The following ZYG11B variants were observed in gnomAD, a reference collection of about 807,000 sequenced individuals.
The protein encoded by ZYG11B is zyg-11 family member B, cell cycle regulator, also known as protein zyg-11 homolog B.
ZYG11B carries 36 observed loss-of-function variants against 82.4 expected under a neutral mutation model. That is an observed-to-expected ratio of 0.44 (90% CI 0.33 to 0.58). The LOEUF is 0.58. ZYG11B is among the 20% of genes least tolerant of loss of function. The pLI, the probability that ZYG11B is intolerant of heterozygous loss-of-function variation, is 0.02. For missense variants in ZYG11B, 552 were observed against 895.6 expected, an observed-to-expected ratio of 0.62 and a Z score of 4.90; for synonymous variants, 303 against 312.8, an observed-to-expected ratio of 0.97 and a Z score of 0.33.
intron 12 of ZYG11B, among the ~76,000 whole-genome samples, chr1:52,814,279 C>G (rs529705439): frequency 6.6e-6 from 1 of 152,190 alleles, no homozygotes; most frequent in Non-Finnish European, 1.5e-5. Flanking sequence ...CCTGGGCCCC[C>G]CTAAGTGCTG....
At chr1:52,772,410 A>G in intron 3 of ZYG11B, 8 of 1,553,870 alleles carry the variant, frequency 5.1e-6, no homozygotes, top group Non-Finnish European at 7.1e-6. Context: ...ATCAGGAGCA[A>G]GTCCCTTAGA....
intron 1 of ZYG11B, among the ~76,000 whole-genome samples, chr1:52,736,322 C>G (rs1281042527): frequency 4.6e-5 from 7 of 152,092 alleles, no homozygotes; most frequent in Non-Finnish European, 1.0e-4. Context: ...CTCTGTCACC[C>G]AAGCTGAAGT....
At chr1:52,754,621 A>G (rs1460813987) in intron 1 of ZYG11B, among the ~76,000 whole-genome samples, 1 of 152,184 alleles carries the variant, frequency 6.6e-6, no homozygotes, top group African/African-American at 2.4e-5. Context: ...GGCTCAGGCA[A>G]TATTCCTGCC....
intron 10 of ZYG11B, among the ~76,000 whole-genome samples, chr1:52,806,455 C>T (rs1212137739): frequency 2.6e-5 from 4 of 152,160 alleles, no homozygotes; most frequent in Admixed American, 6.6e-5. Flanking sequence ...TATGTTTCTC[C>T]TTACAGTTCT....
In ZYG11B at chr1:52,793,868, T is replaced by TTTCTTTCCTTCC. The variant is rs1553261659; in HGVS notation, c.1335-2421_1335-2420insTTTCCTTCCTTC. On this transcript the variant is annotated intron_variant, in intron 6 of 13. Coordinates refer to ENST00000294353, the MANE Select transcript of ZYG11B (RefSeq NM_024646.3). The stretch of plus-strand genomic sequence containing the variant: ...TTTCTTTCTTTCTTCCTTTTCTTTC[T>TTTCTTTCCTTCC]TTCCTTCCTTCCTTCCTTCCTTCCT... 1.4e-3 allele frequency among the ~76,000 whole-genome samples: 129 copies of TTTCTTTCCTTCC among 95,484 alleles called. 2 individuals carry two copies. Among genetic ancestry groups the TTTCTTTCCTTCC allele is most frequent in the East Asian group, 5.1e-3 (12 of 2,350 alleles). The allele number at this position is 95,484 out of a possible 152,430, so 62.6% of individuals were successfully genotyped here. A position where few individuals can be genotyped will look rare whatever the true frequency, so the allele number is the denominator to read the frequency against.
chr1:52,766,160 G>A (rs984600606), intron 2 of ZYG11B, among the ~76,000 whole-genome samples: 52 of 136,912 alleles, frequency 3.8e-4, no homozygotes, highest in African/African-American at 1.3e-3. Context: ...TTGCTGTGTC[G>A]CCCAGGCTGG....
intron 1 of ZYG11B, among the ~76,000 whole-genome samples, chr1:52,754,788 G>A (rs1644557700): frequency 2.0e-5 from 3 of 151,968 alleles, no homozygotes; most frequent in South Asian, 2.1e-4. Flanking sequence ...TCTAAAGCCC[G>A]GACTTTTTAC....
chr1:52,741,298 C>CAAAAAAAAAAA (rs770092920), intron 1 of ZYG11B, among the ~76,000 whole-genome samples: 61 of 72,008 alleles, frequency 8.5e-4, no homozygotes, highest in Admixed American at 2.0e-3. Flanking sequence ...GACTTCGTCT[C>CAAAAAAAAAAA]AAAAAAAAAA....
chr1:52,775,950 T>C (rs905085769), intron 3 of ZYG11B, among the ~76,000 whole-genome samples: 5 of 151,518 alleles, frequency 3.3e-5, no homozygotes, highest in African/African-American at 1.2e-4. Flanking sequence ...ATGCAGTGGC[T>C]CACGCCTGTA....
At chr1:52,813,054 C>G (rs776105971) in intron 10 of ZYG11B, among the ~76,000 whole-genome samples, 1 of 152,140 alleles carries the variant, frequency 6.6e-6, no homozygotes, top group Non-Finnish European at 1.5e-5. Flanking sequence ...ATAATTTAGC[C>G]CTACTACTAT....
chr1:52,807,954 A>G (rs1645154209), intron 10 of ZYG11B, among the ~76,000 whole-genome samples: 1 of 152,226 alleles, frequency 6.6e-6, no homozygotes. Flanking sequence ...ACATTGCTTT[A>G]AAGATACTGA....
At chr1:52,736,389 C>T (rs1360748142) in intron 1 of ZYG11B, among the ~76,000 whole-genome samples, 1 of 152,158 alleles carries the variant, frequency 6.6e-6, no homozygotes, top group African/African-American at 2.4e-5. Flanking sequence ...AAGTGATTCT[C>T]CCACCTCAGC....
chr1:52,737,847 ATGT>A (rs1644390759), intron 1 of ZYG11B, among the ~76,000 whole-genome samples: 3 of 152,248 alleles, frequency 2.0e-5, no homozygotes, highest in Admixed American at 1.3e-4. Flanking sequence ...GTTAACTGAG[ATGT>A]TGTGATAGAT....
intron 1 of ZYG11B, among the ~76,000 whole-genome samples, chr1:52,743,190 C>T (rs551536564): frequency 1.3e-5 from 2 of 151,800 alleles, no homozygotes; most frequent in African/African-American, 4.8e-5. Flanking sequence ...ACGTAGGAGA[C>T]TCCATTTGGT....
intron 6 of ZYG11B, among the ~76,000 whole-genome samples, chr1:52,794,594 G>A (rs1644992398): frequency 6.6e-6 from 1 of 152,188 alleles, no homozygotes; most frequent in South Asian, 2.1e-4. Context: ...TCAAGTGAGT[G>A]TGCAGATGAC....
intron 3 of ZYG11B, among the ~76,000 whole-genome samples, chr1:52,774,619 T>TTTTC (rs1284434415): frequency 0.058 from 4,392 of 76,104 alleles, 286 homozygotes; most frequent in African/African-American, 0.13. Flanking sequence ...ATTTTTTTTT[T>TTTTC]TTTTTTTTTT....
At chr1:52,787,500 C>T (rs1238946413) in intron 5 of ZYG11B, among the ~76,000 whole-genome samples, 1 of 152,132 alleles carries the variant, frequency 6.6e-6, no homozygotes, top group Non-Finnish European at 1.5e-5. Context: ...GTAATAGATT[C>T]TTTTTCTGAA....
intron 12 of ZYG11B, among the ~76,000 whole-genome samples, chr1:52,814,138 AG>A (rs1645205241): frequency 6.6e-6 from 1 of 152,128 alleles, no homozygotes; most frequent in Admixed American, 6.6e-5. Flanking sequence ...CCCCTGCCTC[AG>A]CCTCCCGAGT....
intron 6 of ZYG11B, among the ~76,000 whole-genome samples, chr1:52,791,144 G>A (rs1026381179): frequency 6.6e-6 from 1 of 151,574 alleles, no homozygotes; most frequent in Non-Finnish European, 1.5e-5. Flanking sequence ...GCTAATTTTT[G>A]TATTTTTTGG....
Sources: gnomAD v4.1 joint callset for allele counts (sites outside exome capture counted in the v4.1 genomes callset) on GRCh38, gnomAD v4.1.1 for gene constraint, MANE v1.5 for transcripts, NCBI Gene and HGNC (gene_info 2026-07-23, HGNC 2026-07-21) for gene names.